Variants in ABLIM3 observed in about 807,000 individuals in gnomAD.
ABLIM3 encodes the protein actin-binding LIM protein 3.
A neutral mutation model predicts 109.5 loss-of-function variants in ABLIM3; 61 were observed. The observed-to-expected ratio is 0.56, with a 90% CI of 0.45 to 0.69. ABLIM3 has a LOEUF of 0.69. Among genes scored for constraint, ABLIM3 ranks in the 30% least tolerant of loss-of-function variants. The probability of loss-of-function intolerance (pLI) is 0.00; values close to 1 mark genes in which losing one functional copy is unlikely to be tolerated. For synonymous variants in ABLIM3, 300 were observed against 324.8 expected, an observed-to-expected ratio of 0.92 and a Z score of 0.82; for missense variants, 796 against 889.5, an observed-to-expected ratio of 0.89 and a Z score of 1.34.
At chr5:149,232,759 G>T (rs4490572) in intron 9 of ABLIM3, among the ~76,000 whole-genome samples, 24 of 139,352 alleles carry the variant, frequency 1.7e-4, no homozygotes, top group South Asian at 1.1e-3. Flanking sequence ...TTCAGAGACA[G>T]TTTTTTTTTT....
At chr5:149,181,830 C>G (rs1018145744) in intron 2 of ABLIM3, among the ~76,000 whole-genome samples, 1 of 152,182 alleles carries the variant, frequency 6.6e-6, no homozygotes, top group African/African-American at 2.4e-5. Context: ...GCTATGACAA[C>G]AGAGATTTGT....
chr5:149,145,793 T>C (rs1000786915), intron 2 of ABLIM3, among the ~76,000 whole-genome samples: 1 of 47,408 alleles, frequency 2.1e-5, no homozygotes, highest in African/African-American at 5.2e-5. Context: ...CGTGTATGTC[T>C]TTTTTTTTTT....
intron 14 of ABLIM3, among the ~76,000 whole-genome samples, chr5:149,242,155 G>A (rs1461323826): frequency 6.6e-6 from 1 of 152,136 alleles, no homozygotes; most frequent in Non-Finnish European, 1.5e-5. Context: ...GTGGCCACTG[G>A]TGGAGGCAGT....
chr5:149,217,078 C>G (rs371813232), intron 8 of ABLIM3, 32 bp downstream of exon 8: 1 of 1,582,812 alleles, frequency 6.3e-7, no homozygotes, highest in Non-Finnish European at 8.7e-7. Flanking sequence ...TAAGGCCTTC[C>G]GACCTGCTCA....
chr5:149,236,785 G>C (rs1381298656), intron 10 of ABLIM3, among the ~76,000 whole-genome samples: 1 of 152,104 alleles, frequency 6.6e-6, no homozygotes, highest in African/African-American at 2.4e-5. Flanking sequence ...TTGCAACTTG[G>C]ACAAGTTAAT....
intron 5 of ABLIM3, among the ~76,000 whole-genome samples, chr5:149,202,039 G>C (rs900604092): frequency 2.0e-5 from 3 of 152,236 alleles, no homozygotes; most frequent in African/African-American, 2.4e-5. Context: ...TAAATACAGA[G>C]TGAGGGATGA....
intron 8 of ABLIM3, among the ~76,000 whole-genome samples, chr5:149,226,388 G>A (rs1490028443): frequency 6.6e-6 from 1 of 152,118 alleles, no homozygotes; most frequent in Non-Finnish European, 1.5e-5. Context: ...GGGAGGCTGA[G>A]GCAGGAGAAT....
chr5:149,182,717 C>T (rs73276851), intron 2 of ABLIM3, among the ~76,000 whole-genome samples: 266 of 152,312 alleles, frequency 1.7e-3, no homozygotes, highest in African/African-American at 6.0e-3. Flanking sequence ...GCTAGTAGAA[C>T]TCTTAAGCAT....
Position 149,258,469 on chromosome 5 carries a change from T to C in ABLIM3, c.*65T>C. ...ATATGTAAAATCTCTCTACTGAAGC[T>C]CGGTATAATCCTCTCTTGTGTAATG... On this transcript the variant is annotated 3_prime_UTR_variant, in exon 24 of 24. Coordinates refer to ENST00000309868, the MANE Select transcript of ABLIM3 (RefSeq NM_014945.5). 6.6e-7 allele frequency: 1 copy of C among 1,524,938 alleles called. No individual in the cohort carries two copies. The highest frequency in any genetic ancestry group is 8.8e-7 in the Non-Finnish European group (1 of 1,142,676). The allele number at this position is 1,524,938 out of a possible 1,614,324, so 94.5% of individuals were successfully genotyped here. A position where few individuals can be genotyped will look rare whatever the true frequency, so the allele number is the denominator to read the frequency against.
intron 2 of ABLIM3, among the ~76,000 whole-genome samples, chr5:149,155,540 T>C (rs1753801744): frequency 1.3e-5 from 2 of 152,126 alleles, no homozygotes; most frequent in South Asian, 4.2e-4. Flanking sequence ...GGAATGCTTG[T>C]TGGAGAAGGT....
At chr5:149,148,287 T>G (rs992080714) in intron 2 of ABLIM3, among the ~76,000 whole-genome samples, 2 of 151,956 alleles carry the variant, frequency 1.3e-5, no homozygotes, top group Non-Finnish European at 2.9e-5. Flanking sequence ...CAGACCTAGG[T>G]AGAGCACAGC....
At position 149,207,131 on chromosome 5, in the gene ABLIM3, G is replaced by A. The variant is rs1377625019; in HGVS notation, c.572G>A (p.Ser191Asn). The change falls in exon 6 of 24, where the codon AGC becomes AAC. Residue 191 changes from serine to asparagine, a missense_variant. Physicochemically the swap from Ser to Asn is conservative, Grantham distance 46. Coordinates refer to ENST00000309868, the MANE Select transcript of ABLIM3 (RefSeq NM_014945.5). ...GTCATCCTCACCGGGGAGTATATCA[G>A]CAAGTGGGTCCCCCTGCTCCTGCCC... ...CSVILTGEYI[S>N]KDGVPYCESD... The A allele has an allele frequency of 2.5e-6, 4 of 1,613,076 alleles. No individual in the cohort carries two copies. Among genetic ancestry groups the A allele is most frequent in the Non-Finnish European group, 1.7e-6 (2 of 1,179,488 alleles).
intron 15 of ABLIM3, chr5:149,243,720 G>T (rs931987380): frequency 3.3e-5 from 5 of 152,186 alleles, no homozygotes; most frequent in African/African-American, 1.2e-4. Context: ...CATGACAAAG[G>T]TAGTTTGGCT....
intron 23 of ABLIM3, among the ~76,000 whole-genome samples, chr5:149,254,853 T>C (rs1330832036): frequency 1.3e-5 from 2 of 152,116 alleles, no homozygotes; most frequent in East Asian, 1.9e-4. Flanking sequence ...GGCCCCACAG[T>C]AGACCAATTT....
chr5:149,173,500 G>A (rs1156825706), intron 2 of ABLIM3, among the ~76,000 whole-genome samples: 1 of 152,128 alleles, frequency 6.6e-6, no homozygotes, highest in East Asian at 1.9e-4. Context: ...TGAGCCACAG[G>A]GCTGCATCTG....
At chr5:149,257,539 A>G (rs1200751066) in intron 23 of ABLIM3, among the ~76,000 whole-genome samples, 2 of 152,270 alleles carry the variant, frequency 1.3e-5, no homozygotes, top group South Asian at 2.1e-4. Context: ...TTTCAAGAAT[A>G]GTAAAATGAA....
intron 2 of ABLIM3, among the ~76,000 whole-genome samples, chr5:149,160,386 A>G: frequency 6.7e-6 from 1 of 149,728 alleles, no homozygotes. Flanking sequence ...TAAACTGGGG[A>G]GGTGGAGGTT....
intron 7 of ABLIM3, 91 bp from the exon 8 acceptor site, chr5:149,216,868 C>A: frequency 8.6e-7 from 1 of 1,156,918 alleles, no homozygotes; most frequent in Non-Finnish European, 1.3e-6. Context: ...GCAAACAACA[C>A]TAATGTACCC....
intron 12 of ABLIM3, 88 bp downstream of exon 12, chr5:149,239,365 G>A (rs771169508): frequency 5.1e-5 from 73 of 1,443,502 alleles, no homozygotes; most frequent in Non-Finnish European, 7.0e-5. Flanking sequence ...GAAGGTGTCT[G>A]AGCCCTTGCC....
Sources: allele counts gnomAD v4.1 joint callset (sites outside exome capture counted in the v4.1 genomes callset), GRCh38; gene constraint gnomAD v4.1.1; transcripts MANE v1.5; gene names NCBI Gene and HGNC (gene_info 2026-07-23, HGNC 2026-07-21).